The following PCBP3 variants were observed in gnomAD, a reference collection of about 807,000 sequenced individuals.
PCBP3 encodes poly(rC) binding protein 3.
A neutral mutation model predicts 52.7 loss-of-function variants in PCBP3; 25 were observed. The observed-to-expected ratio is 0.47, with a 90% CI of 0.35 to 0.66. PCBP3 has a LOEUF of 0.66. PCBP3 is among the 30% of genes least tolerant of loss of function. The probability of loss-of-function intolerance (pLI) is 0.01; values close to 1 mark genes in which losing one functional copy is unlikely to be tolerated. For synonymous variants in PCBP3, 162 were observed against 183.0 expected (o/e 0.89, Z 0.93); for missense variants, 391 against 490.3 (o/e 0.80, Z 1.91).
At chr21:45,834,561 C>T (rs2093535612) in intron 4 of PCBP3, among the ~76,000 whole-genome samples, 1 of 152,172 alleles carries the variant, frequency 6.6e-6, no homozygotes, top group Non-Finnish European at 1.5e-5. Flanking sequence ...CAGAAGACGG[C>T]CACAGCCCTG....
At chr21:45,834,992 G>A (rs977217153) in intron 4 of PCBP3, among the ~76,000 whole-genome samples, 3 of 152,338 alleles carry the variant, frequency 2.0e-5, no homozygotes, top group South Asian at 2.1e-4. Context: ...GGTGGGCAGC[G>A]CCACTGAATG....
chr21:45,809,043 G>T (rs1043209144), intron 4 of PCBP3, among the ~76,000 whole-genome samples: 2 of 152,124 alleles, frequency 1.3e-5, no homozygotes, highest in East Asian at 3.9e-4. Context: ...CTGTTGGGGG[G>T]TGGGGGGCTA....
intron 5 of PCBP3, among the ~76,000 whole-genome samples, chr21:45,881,131 G>T (rs913831771): frequency 6.6e-6 from 1 of 152,186 alleles, no homozygotes; most frequent in Non-Finnish European, 1.5e-5. Context: ...TTTATCGTGA[G>T]TTGGTATGGA....
chr21:45,656,000 C>T (rs2079994194), intron 1 of PCBP3, among the ~76,000 whole-genome samples: 1 of 152,156 alleles, frequency 6.6e-6, no homozygotes, highest in Non-Finnish European at 1.5e-5. Context: ...ACAACAGATG[C>T]TGGAGAGGAT....
At chr21:45,896,677 G>T (rs13052251) in intron 6 of PCBP3, among the ~76,000 whole-genome samples, 1,745 of 29,960 alleles carry the variant, frequency 0.058, 19 homozygotes, top group East Asian at 0.2. Flanking sequence ...CGGGCCATTG[G>T]CACTGTAGGA....
At chr21:45,733,626 A>G (rs2085632719) in intron 2 of PCBP3, among the ~76,000 whole-genome samples, 1 of 147,922 alleles carries the variant, frequency 6.8e-6, no homozygotes, top group South Asian at 2.2e-4. Context: ...ATTCAAATGG[A>G]GTCTAGCTCT....
chr21:45,882,783 T>A (rs891184027), intron 5 of PCBP3, among the ~76,000 whole-genome samples: 5 of 152,196 alleles, frequency 3.3e-5, no homozygotes, highest in Non-Finnish European at 5.9e-5. Context: ...GAAGAAACTG[T>A]CCTTCCCCGT....
At chr21:45,747,153 G>T (rs925260677) in intron 3 of PCBP3, among the ~76,000 whole-genome samples, 5 of 152,182 alleles carry the variant, frequency 3.3e-5, no homozygotes, top group African/African-American at 9.7e-5. Flanking sequence ...AGGATCAAAG[G>T]TGCATCTTAC....
chr21:45,803,559 A>T (rs955327582), intron 4 of PCBP3, among the ~76,000 whole-genome samples: 6 of 152,154 alleles, frequency 3.9e-5, no homozygotes, highest in African/African-American at 1.4e-4. Context: ...TGGTGGTTTT[A>T]TACTGCCAGT....
rs1300820224 is a variant in PCBP3, at chr21:45,853,780, C to T, written c.10+3685C>T. ...GCATAGGAAATTAAATACACACATA[C>T]TTTGCAAGAGCATATGTGAGTAAGA... is the stretch of plus-strand genomic sequence containing the variant. On this transcript the variant is annotated intron_variant, in intron 5 of 17. Coordinates refer to ENST00000681687, the MANE Select transcript of PCBP3 (RefSeq NM_001384156.1). The surrounding 1 kb of genome is among the most constrained non-coding windows in gnomAD (Gnocchi z 4.6). Among the ~76,000 whole-genome samples the T allele has an allele frequency of 2.6e-5, 4 of 152,304 alleles. No homozygotes were observed. Among genetic ancestry groups the T allele is most frequent in the African/African-American group, 7.2e-5 (3 of 41,556 alleles).
intron 5 of PCBP3, among the ~76,000 whole-genome samples, chr21:45,860,119 T>C (rs1017341445): frequency 6.6e-6 from 1 of 152,130 alleles, no homozygotes. Context: ...AACCGAAGGC[T>C]CCAGCACGCA....
rs540001928 is a variant in PCBP3, at chr21:45,802,845, C to T, written c.-125-47116C>T. On this transcript the variant is annotated intron_variant, in intron 4 of 17. Coordinates refer to ENST00000681687, the MANE Select transcript of PCBP3 (RefSeq NM_001384156.1). This position sits in a 1 kb window ranked among gnomAD's most constrained non-coding sequence, Gnocchi z 5.1. ...CCCTAGGGAAACCACACACAGGCCACGGAGGGAAAAGCTTTTAACCCTTGT... is the reference window on the plus strand; with the variant it reads ...CCCTAGGGAAACCACACACAGGCCATGGAGGGAAAAGCTTTTAACCCTTGT... Among the ~76,000 whole-genome samples the T allele has an allele frequency of 7.2e-5, 11 of 152,242 alleles. No homozygotes were observed. Among genetic ancestry groups the T allele is most frequent in the East Asian group, 3.9e-4 (2 of 5,186 alleles).
chr21:45,671,020 T>C (rs1448368096), intron 2 of PCBP3, among the ~76,000 whole-genome samples: 1 of 152,118 alleles, frequency 6.6e-6, no homozygotes, highest in South Asian at 2.1e-4. Flanking sequence ...TTCTCAGCCA[T>C]GTTGGCCCAA....
intron 2 of PCBP3, among the ~76,000 whole-genome samples, chr21:45,722,187 G>A (rs949745984): frequency 6.6e-6 from 1 of 152,152 alleles, no homozygotes. Context: ...AGCGTTTATA[G>A]GAATGATCCA....
At chr21:45,884,950 C>T (rs763476371) in intron 5 of PCBP3, among the ~76,000 whole-genome samples, 1 of 152,174 alleles carries the variant, frequency 6.6e-6, no homozygotes, top group Non-Finnish European at 1.5e-5. Context: ...AGTCATCAAT[C>T]ATAGTTTAGA....
chr21:45,815,404 G>C (rs1324157049), intron 4 of PCBP3, among the ~76,000 whole-genome samples: 94 of 104,734 alleles, frequency 9.0e-4, no homozygotes, highest in Admixed American at 1.6e-3. Flanking sequence ...AGTGGTGAGT[G>C]AGTGGTGAGT....
intron 4 of PCBP3, among the ~76,000 whole-genome samples, chr21:45,758,426 C>G (rs188869681): frequency 7.2e-5 from 11 of 152,246 alleles, no homozygotes; most frequent in Admixed American, 3.3e-4. Flanking sequence ...AATATGAAGT[C>G]TTTCAGTCAG....
chr21:45,931,656 C>A (rs777157414), intron 15 of PCBP3, among the ~76,000 whole-genome samples: 1 of 152,200 alleles, frequency 6.6e-6, no homozygotes, highest in Non-Finnish European at 1.5e-5. Context: ...GATGAGTGAA[C>A]ACGTCGGCCA....
At chr21:45,822,595 G>A (rs1017082973) in intron 4 of PCBP3, among the ~76,000 whole-genome samples, 3 of 150,436 alleles carry the variant, frequency 2.0e-5, no homozygotes, top group Non-Finnish European at 4.4e-5. Flanking sequence ...AGCAAGGGGC[G>A]GACCCAGCAC....
Sources: gnomAD v4.1 joint callset for allele counts (sites outside exome capture counted in the v4.1 genomes callset) on GRCh38, gnomAD v4.1.1 for gene constraint, Gnocchi (gnomAD v3.1) non-coding constraint, MANE v1.5 for transcripts, NCBI Gene and HGNC (gene_info 2026-07-23, HGNC 2026-07-21) for gene names.